Variants in ZNF609 observed in about 807,000 individuals in gnomAD.
The protein encoded by ZNF609 is zinc finger protein 609.
ZNF609 carries 11 observed loss-of-function variants against 109.5 expected under a neutral mutation model. The observed-to-expected ratio is 0.10, with a 90% CI of 0.06 to 0.17. The LOEUF (loss-of-function observed/expected upper bound fraction) is 0.17. Among genes scored for constraint, ZNF609 ranks in the 10% least tolerant of loss-of-function variants. The probability of loss-of-function intolerance (pLI) is 1.00; values close to 1 mark genes in which losing one functional copy is unlikely to be tolerated. For missense variants in ZNF609, 1,559 were observed against 1,772.4 expected (o/e 0.88, Z 2.16); for synonymous variants, 646 against 662.0 (o/e 0.98, Z 0.37).
At chr15:64,657,992 C>A (rs1896515581) in intron 3 of ZNF609, among the ~76,000 whole-genome samples, 1 of 152,094 alleles carries the variant, frequency 6.6e-6, no homozygotes, top group African/African-American at 2.4e-5. Context: ...TCAAACTGGG[C>A]AAGCAAATCC....
intron 2 of ZNF609, among the ~76,000 whole-genome samples, chr15:64,571,483 A>G (rs1306659686): frequency 1.3e-5 from 2 of 151,954 alleles, no homozygotes; most frequent in African/African-American, 2.4e-5. Context: ...ATATTTTTAT[A>G]TAATATATTT....
intron 1 of ZNF609, among the ~76,000 whole-genome samples, chr15:64,463,724 C>A (rs1892974958): frequency 6.6e-6 from 1 of 152,130 alleles, no homozygotes; most frequent in Admixed American, 6.6e-5. Context: ...GTTGTTCTGA[C>A]CTTTATATAT....
intron 2 of ZNF609, among the ~76,000 whole-genome samples, chr15:64,607,311 C>T (rs1895619485): frequency 6.6e-6 from 1 of 151,922 alleles, no homozygotes; most frequent in South Asian, 2.1e-4. Context: ...TGTAAAACAA[C>T]ACACACATAT....
At chr15:64,626,563 A>T (rs911994143) in intron 3 of ZNF609, among the ~76,000 whole-genome samples, 5 of 152,150 alleles carry the variant, frequency 3.3e-5, no homozygotes, top group African/African-American at 1.2e-4. Flanking sequence ...GAAGCTGTGA[A>T]TGCTTGGCCT....
chr15:64,526,899 C>T (rs1217382656), intron 2 of ZNF609, among the ~76,000 whole-genome samples: 1 of 152,164 alleles, frequency 6.6e-6, no homozygotes, highest in East Asian at 1.9e-4. Flanking sequence ...ATCATCCCAC[C>T]TCGGCAATCC....
intron 2 of ZNF609, among the ~76,000 whole-genome samples, chr15:64,561,683 A>G (rs1894683937): frequency 6.6e-6 from 1 of 151,616 alleles, no homozygotes; most frequent in African/African-American, 2.4e-5. Context: ...GGTGTGAGCC[A>G]CCATGCCTGG....
At chr15:64,595,523 T>C (rs533019113) in intron 2 of ZNF609, among the ~76,000 whole-genome samples, 5 of 152,186 alleles carry the variant, frequency 3.3e-5, no homozygotes, top group South Asian at 2.1e-4. Context: ...ATGTGTGATA[T>C]AGACTTTTTC....
chr15:64,466,995 G>A (rs1406044036), intron 1 of ZNF609, among the ~76,000 whole-genome samples: 1 of 152,110 alleles, frequency 6.6e-6, no homozygotes, highest in Non-Finnish European at 1.5e-5. Flanking sequence ...AGCACAGTCA[G>A]ATCTATGAAT....
chr15:64,581,774 C>T (rs1895108767), intron 2 of ZNF609, among the ~76,000 whole-genome samples: 3 of 152,036 alleles, frequency 2.0e-5, no homozygotes, highest in Non-Finnish European at 4.4e-5. Context: ...GATATTCAGG[C>T]GTTTTGCTTG....
At chr15:64,490,531 C>A (rs1016181828) in intron 1 of ZNF609, among the ~76,000 whole-genome samples, 5 of 152,280 alleles carry the variant, frequency 3.3e-5, no homozygotes, top group East Asian at 3.9e-4. Flanking sequence ...ACCTTGGCCT[C>A]CCAAAGTGCT....
At chr15:64,534,689 C>A (rs536800986) in intron 2 of ZNF609, among the ~76,000 whole-genome samples, 1 of 152,204 alleles carries the variant, frequency 6.6e-6, no homozygotes, top group African/African-American at 2.4e-5. Context: ...CATCCCTAAT[C>A]TCTTGTAACC....
At chr15:64,478,440 G>A (rs1363252812) in intron 1 of ZNF609, among the ~76,000 whole-genome samples, 1 of 151,808 alleles carries the variant, frequency 6.6e-6, no homozygotes, top group Non-Finnish European at 1.5e-5. Flanking sequence ...TTGCGATCTC[G>A]GCTCACTGCA....
intron 2 of ZNF609, among the ~76,000 whole-genome samples, chr15:64,548,323 C>G (rs775338543): frequency 2.0e-5 from 3 of 152,106 alleles, no homozygotes; most frequent in Non-Finnish European, 2.9e-5. Flanking sequence ...AAAAAAGGTG[C>G]CACTTTTGAA....
At position 64,573,840 on chromosome 15, in the gene ZNF609, CCCAAAT is replaced by C. The variant is rs555340648; in HGVS notation, c.748-48981_748-48976del. ...AAATATTCATTTTTTTCCTTGCAAC[CCCAAAT>C]CCAAACACAGTTGGATGGAGTTTTT... On this transcript the variant is annotated intron_variant, in intron 2 of 9. Transcript: ENST00000326648. Among the ~76,000 whole-genome samples the C allele has an allele frequency of 2.2e-3, 337 of 152,148 alleles. 2 individuals carry two copies. Among genetic ancestry groups the C allele is most frequent in the African/African-American group, 7.7e-3 (320 of 41,520 alleles).
chr15:64,670,640 A>C (rs1896711871), intron 4 of ZNF609, among the ~76,000 whole-genome samples: 1 of 152,080 alleles, frequency 6.6e-6, no homozygotes, highest in South Asian at 2.1e-4. Context: ...GCACTTTGGG[A>C]GGCTGAGGCA....
At chr15:64,524,563 CA>C (rs539781729) in intron 2 of ZNF609, among the ~76,000 whole-genome samples, 19,218 of 99,788 alleles carry the variant, frequency 0.19, 2,745 homozygotes, top group African/African-American at 0.46. Flanking sequence ...GACTCCATCT[CA>C]AAAAAAAAAA....
chr15:64,460,714 G>T lies in ZNF609; in HGVS notation c.-252G>T, dbSNP rs1892925892. 7.2e-6 allele frequency: 1 copy of T among 139,146 alleles called. No individual in the cohort carries two copies. Among genetic ancestry groups the T allele is most frequent in the Non-Finnish European group, 1.5e-5 (1 of 66,538 alleles). The allele number at this position is 139,146 out of a possible 1,614,324, so 8.6% of individuals were successfully genotyped here. ...AGCCAGAGCCGGAGCCGGAGCCGGA[G>T]CCGGGGTGGGGTGGGGGGGAGGGGC... On this transcript the variant is annotated 5_prime_UTR_variant, in exon 1 of 10. Transcript: ENST00000326648.
intron 2 of ZNF609, among the ~76,000 whole-genome samples, chr15:64,548,771 G>A (rs1017818237): frequency 2.6e-5 from 4 of 152,056 alleles, no homozygotes; most frequent in Non-Finnish European, 5.9e-5. Flanking sequence ...TTAAAAAAAA[G>A]AAAGAAAGAA....
In ZNF609 at chr15:64,680,660, T is replaced by G; in HGVS notation, c.3960T>G (p.Thr1320=). 6.3e-7 allele frequency: 1 copy of G among 1,583,416 alleles called. No homozygotes were observed. The highest frequency in any genetic ancestry group is 1.7e-5 in the Admixed American group (1 of 57,924). The change falls in exon 8 of 10, where the codon ACT becomes ACG. Residue 1320 remains threonine (T), a synonymous_variant. Transcript: ENST00000326648. ...TTCCTTTCCAGATAAGTGATAAAAC[T>G]TCTCAGGAGAGAGATCGAGGAGGCT... The part of the protein sequence containing the change: ...KSKSPTISDK[T]SQERDRGGCG...
Sources: allele counts gnomAD v4.1 joint callset (sites outside exome capture counted in the v4.1 genomes callset), GRCh38; gene constraint gnomAD v4.1.1; transcripts MANE v1.5; gene names NCBI Gene and HGNC (gene_info 2026-07-23, HGNC 2026-07-21).